Variants in ULK2 observed in about 807,000 individuals in gnomAD.
ULK2 encodes the protein unc-51 like autophagy activating kinase 2, also known as serine/threonine-protein kinase ULK2.
In ULK2, 76 loss-of-function variants were observed where a neutral mutation model predicts 127.5. The ratio of observed to expected loss-of-function variants is 0.60; its 90% CI spans 0.50 to 0.72. ULK2 has a LOEUF of 0.72. ULK2 is among the 30% of genes least tolerant of loss of function. The probability of loss-of-function intolerance (pLI) is 0.00; values close to 1 mark genes in which losing one functional copy is unlikely to be tolerated. For missense variants in ULK2, 1,144 were observed against 1,295.9 expected (o/e 0.88, Z 1.80); for synonymous variants, 452 against 461.9 (o/e 0.98, Z 0.28).
chr17:19,852,208 G>C (rs1344789285), intron 3 of ULK2, among the ~76,000 whole-genome samples: 1 of 151,774 alleles, frequency 6.6e-6, no homozygotes, highest in Non-Finnish European at 1.5e-5. Context: ...TTGAGCAACA[G>C]AGCAAGACTC....
At chr17:19,827,645 C>T (rs1370306352) in intron 10 of ULK2, among the ~76,000 whole-genome samples, 1 of 152,192 alleles carries the variant, frequency 6.6e-6, no homozygotes, top group East Asian at 1.9e-4. Context: ...GGCGTGGTGG[C>T]TCACGCCTAT....
At chr17:19,792,777 T>C (rs2087184329) in intron 20 of ULK2, among the ~76,000 whole-genome samples, 1 of 150,862 alleles carries the variant, frequency 6.6e-6, no homozygotes, top group African/African-American at 2.4e-5. Context: ...CTACAGAAAC[T>C]GACAAGATGA....
At chr17:19,825,785 G>C (rs1334220415) in intron 11 of ULK2, among the ~76,000 whole-genome samples, 1 of 151,040 alleles carries the variant, frequency 6.6e-6, no homozygotes, top group African/African-American at 2.4e-5. Context: ...TCCGGAGTTC[G>C]AGACCAGCCT....
intron 3 of ULK2, among the ~76,000 whole-genome samples, chr17:19,851,220 G>A (rs1267796462): frequency 6.7e-6 from 1 of 150,260 alleles, no homozygotes; most frequent in African/African-American, 2.5e-5. Context: ...CCAGCTACTT[G>A]GGAGGCTGAG....
intron 14 of ULK2, 71 bp downstream of exon 14, chr17:19,810,307 A>G: frequency 1.0e-6 from 1 of 972,218 alleles, no homozygotes; most frequent in South Asian, 1.6e-5. Flanking sequence ...CAAGAACACT[A>G]AGTTCTATAA....
chr17:19,814,447 T>TGTTGTTGTTG (rs1567696617), intron 13 of ULK2, among the ~76,000 whole-genome samples: 1 of 37,982 alleles, frequency 2.6e-5, no homozygotes, highest in African/African-American at 1.0e-4. Context: ...TATTTTTTTT[T>TGTTGTTGTTG]TTTTTTTTTT....
intron 10 of ULK2, among the ~76,000 whole-genome samples, chr17:19,833,055 G>A (rs569959251): frequency 3.3e-5 from 5 of 151,066 alleles, no homozygotes; most frequent in East Asian, 2.0e-4. Context: ...CTCGGGCGGC[G>A]GAGCTTGCAG....
At chr17:19,780,428 A>G in intron 25 of ULK2, 44 bp downstream of exon 25, 3 of 1,487,886 alleles carry the variant, frequency 2.0e-6, no homozygotes, top group Non-Finnish European at 2.7e-6. Flanking sequence ...AAGACACTTA[A>G]AGATAAGTAG....
rs762072244 is a variant in ULK2 at position 19,797,446 on chromosome 17, C to A, written c.1759G>T (p.Asp587Tyr). 10 of 1,613,750 alleles carry A rather than the reference C, an allele frequency of 6.2e-6. No individual in the cohort carries two copies. Among genetic ancestry groups the A allele is most frequent in the Non-Finnish European group, 5.1e-6 (6 of 1,179,942 alleles). The part of the protein sequence containing the change: ...KHLGSSPRSS[D>Y]WFFKTPLPTI... Reference sequence around the variant, plus strand: ...GGCAAAGGAGTTTTAAAGAACCAGTCAGAACTCCGTGGAGAGGACCCCAAG... The same window carrying A: ...GGCAAAGGAGTTTTAAAGAACCAGTAAGAACTCCGTGGAGAGGACCCCAAG... The change falls in exon 18 of 27, where the codon GAC (aspartate) becomes TAC (tyrosine). Residue 587 changes from aspartate (D) to tyrosine (Y), a missense_variant. Asp to Tyr is a radical substitution (Grantham distance 160). Coordinates refer to ENST00000395544, the MANE Select transcript of ULK2 (RefSeq NM_014683.4).
In ULK2 at chr17:19,838,497, T is replaced by G. The variant is rs750714418; in HGVS notation, c.787+4A>C. On this transcript the variant is annotated splice_donor_region_variant and intron_variant, in intron 10 of 26. Coordinates refer to ENST00000395544, the MANE Select transcript of ULK2 (RefSeq NM_014683.4). The stretch of plus-strand genomic sequence containing the variant: ...AACATGCAAAAGTTAAAACTATTTC[T>G]TACCAAAGTCCATTCTATCTTTTTG... 1 of 1,605,212 alleles carries G rather than the reference T, an allele frequency of 6.2e-7. No homozygotes were observed.
intron 14 of ULK2, among the ~76,000 whole-genome samples, chr17:19,810,129 G>A (rs1597745013): frequency 6.6e-6 from 1 of 151,314 alleles, no homozygotes; most frequent in Non-Finnish European, 1.5e-5. Context: ...TACTCGGGAG[G>A]CTGAGGCAGG....
intron 11 of ULK2, among the ~76,000 whole-genome samples, chr17:19,825,803 A>G (rs1419940957): frequency 1.3e-5 from 2 of 151,338 alleles, no homozygotes; most frequent in African/African-American, 4.9e-5. Context: ...CCTGACCAAC[A>G]TGGAGAAACC....
chr17:19,786,010 A>G lies in ULK2; in HGVS notation c.2178T>C (p.Thr726=). 1 of 1,582,580 alleles carries G rather than the reference A, an allele frequency of 6.3e-7. No homozygotes were observed. Among genetic ancestry groups the G allele is most frequent in the African/African-American group, 1.4e-5 (1 of 72,174 alleles). ...CCGCACTGTGTGGAGGAGACCCTAC[A>G]GTGAAGAGGACAGCCTTGGAACTTG... The part of the protein sequence containing the change: ...TAASSKAVLF[T]VGSPPHSAAA... Residue 726 remains threonine, a synonymous_variant, in exon 21 of 27, where the codon ACT becomes ACC. Transcript: ENST00000395544.
At chr17:19,807,705 A>C (rs1206247103) in intron 14 of ULK2, among the ~76,000 whole-genome samples, 2 of 152,178 alleles carry the variant, frequency 1.3e-5, no homozygotes, top group African/African-American at 4.8e-5. Context: ...GGCAATATAC[A>C]ATTCCCATAA....
intron 3 of ULK2, among the ~76,000 whole-genome samples, chr17:19,850,602 G>T (rs901412686): frequency 2.0e-5 from 3 of 152,002 alleles, no homozygotes; most frequent in African/African-American, 7.2e-5. Context: ...CGAGGCAGGC[G>T]GATCACGAGG....
chr17:19,827,888 C>G (rs773636386), intron 10 of ULK2, among the ~76,000 whole-genome samples: 15 of 150,374 alleles, frequency 1.0e-4, no homozygotes, highest in Non-Finnish European at 2.1e-4. Flanking sequence ...CCAGCCTAGG[C>G]ACCAAGGGCG....
At chr17:19,809,487 C>T (rs1386469010) in intron 14 of ULK2, among the ~76,000 whole-genome samples, 1 of 151,990 alleles carries the variant, frequency 6.6e-6, no homozygotes. Flanking sequence ...AATCCCAGCA[C>T]TTTGGGAGGC....
chr17:19,846,675 A>G, intron 6 of ULK2, 62 bp downstream of exon 6: 4 of 1,486,738 alleles, frequency 2.7e-6, no homozygotes, highest in Non-Finnish European at 3.6e-6. Context: ...CAACAAAGCT[A>G]AAGTTGTCTA....
At position 19,780,600 on chromosome 17, in the gene ULK2, A is replaced by G; in HGVS notation, c.2788T>C (p.Phe930Leu). Residue 930 changes from phenylalanine to leucine, a missense_variant, in exon 25 of 27, where the codon TTC becomes CTC. This residue lies in a region of ULK2 where 913 missense variants were observed against 970.5 expected (regional missense o/e 0.94). Transcript: ENST00000395544. The part of the protein sequence containing the change: ...VVKNLNERYK[F>L]CITMCKKLTE... Reference sequence around the variant, plus strand: ...AGTTTCTTGCACATGGTGATGCAGAATTTATATCGTTCGTTCAGATTCTTG... The same window carrying G: ...AGTTTCTTGCACATGGTGATGCAGAGTTTATATCGTTCGTTCAGATTCTTG... 1 of 1,611,104 alleles carries G rather than the reference A, an allele frequency of 6.2e-7. No individual in the cohort carries two copies. Among genetic ancestry groups the G allele is most frequent in the Non-Finnish European group, 8.5e-7 (1 of 1,179,158 alleles).
Sources: gnomAD v4.1 joint callset for allele counts (sites outside exome capture counted in the v4.1 genomes callset) on GRCh38, gnomAD v4.1.1 for gene constraint, gnomAD v4.1.1 regional missense constraint, MANE v1.5 for transcripts, NCBI Gene and HGNC (gene_info 2026-07-23, HGNC 2026-07-21) for gene names.